Variants in PTCHD4 observed in about 807,000 individuals in gnomAD.
PTCHD4 encodes the protein patched domain containing 4, also known as patched domain-containing protein 4.
PTCHD4 carries 33 observed loss-of-function variants against 58.1 expected under a neutral mutation model. The ratio of observed to expected loss-of-function variants is 0.57; its 90% confidence interval spans 0.43 to 0.76. PTCHD4 has a LOEUF of 0.76. Among genes scored for constraint, PTCHD4 ranks in the 30% least tolerant of loss-of-function variants. PTCHD4 has a pLI of 0.00. For synonymous variants in PTCHD4, 478 were observed against 409.6 expected (o/e 1.17, Z -2.02); for missense variants, 1,058 against 1,027.1 (o/e 1.03, Z -0.41).
intron 4 of PTCHD4, among the ~76,000 whole-genome samples, chr6:47,890,313 A>G (rs939407869): frequency 2.0e-5 from 3 of 152,028 alleles, no homozygotes; most frequent in African/African-American, 7.3e-5. Flanking sequence ...TGCAGTCAAG[A>G]TTTTCATACT....
chr6:47,928,549 C>T (rs909048136), intron 4 of PTCHD4, among the ~76,000 whole-genome samples: 1 of 152,188 alleles, frequency 6.6e-6, no homozygotes, highest in African/African-American at 2.4e-5. Flanking sequence ...ATTTAATTGA[C>T]ATTCTTTCTG....
intron 3 of PTCHD4, among the ~76,000 whole-genome samples, chr6:48,052,961 G>C (rs1764284754): frequency 6.6e-6 from 1 of 152,128 alleles, no homozygotes; most frequent in South Asian, 2.1e-4. Context: ...GACCCAAGAA[G>C]GGCACTTGGA....
rs183811431 is a variant in PTCHD4, at chr6:47,964,163, A to G, written c.898+44471T>C. 3.1e-3 allele frequency among the ~76,000 whole-genome samples: 478 copies of G among 152,324 alleles called. 4 individuals carry two copies. The highest frequency in any genetic ancestry group is 9.6e-3 in the African/African-American group (398 of 41,578). ...AGGTACTGGAAGAGAGGAATGGGAA[A>G]TGAGAAGTTGCTGTTCAATGGGTAT... On this transcript the variant is annotated intron_variant, in intron 4 of 4. Coordinates refer to ENST00000339488, the MANE Select transcript of PTCHD4 (RefSeq NM_001384253.1).
Position 47,898,113 on chromosome 6 carries a change from T to G in PTCHD4, c.899-18177A>C, listed in dbSNP as rs552807401. On this transcript the variant is annotated intron_variant, in intron 4 of 4. Coordinates refer to ENST00000339488, the MANE Select transcript of PTCHD4 (RefSeq NM_001384253.1). The stretch of plus-strand genomic sequence containing the variant: ...GCGTGTGCCACCACACCCGGCTAAT[T>G]TTTTGTATTTTTAGTAGAGACGGAG... Among the ~76,000 whole-genome samples the G allele has an allele frequency of 1.4e-4, 21 of 151,582 alleles. No individual in the cohort carries two copies. In the East Asian group the frequency reaches 3.1e-3, roughly 23 times the overall value.
At chr6:48,103,700 GA>G (rs200773007) in intron 1 of PTCHD4, among the ~76,000 whole-genome samples, 23,791 of 150,786 alleles carry the variant, frequency 0.16, 1,920 homozygotes, top group African/African-American at 0.21. Flanking sequence ...TAAAAACTTT[GA>G]AAAAAAAATT....
intron 1 of PTCHD4, among the ~76,000 whole-genome samples, chr6:48,098,961 A>T (rs1448040468): frequency 1.3e-5 from 2 of 152,216 alleles, no homozygotes; most frequent in African/African-American, 4.8e-5. Flanking sequence ...TGAAGACTTA[A>T]GTACCTAGAC....
chr6:48,023,388 A>G (rs900391953), intron 3 of PTCHD4, among the ~76,000 whole-genome samples: 3 of 152,196 alleles, frequency 2.0e-5, no homozygotes, highest in Admixed American at 1.3e-4. Flanking sequence ...ATAGAGAAAA[A>G]TATTAAGCTA....
chr6:48,085,574 C>G (rs967437896), intron 1 of PTCHD4, among the ~76,000 whole-genome samples: 1 of 152,134 alleles, frequency 6.6e-6, no homozygotes, highest in African/African-American at 2.4e-5. Flanking sequence ...GTTTTCAATT[C>G]TTTGAGAAAC....
At chr6:47,998,596 A>G (rs1032453604) in intron 4 of PTCHD4, among the ~76,000 whole-genome samples, 1 of 152,216 alleles carries the variant, frequency 6.6e-6, no homozygotes, top group Non-Finnish European at 1.5e-5. Context: ...GATTCCAAAG[A>G]AGATGTAGAA....
chr6:48,013,924 A>G (rs1762780424), intron 3 of PTCHD4, among the ~76,000 whole-genome samples: 2 of 152,164 alleles, frequency 1.3e-5, no homozygotes, highest in African/African-American at 4.8e-5. Flanking sequence ...ATGTATCTGG[A>G]CAAAAGACAA....
In PTCHD4 at chr6:47,866,030, C is replaced by T. The variant is rs2114068080; in HGVS notation, c.*12273G>A. On this transcript the variant is annotated 3_prime_UTR_variant, in exon 5 of 5. Coordinates refer to ENST00000339488, the MANE Select transcript of PTCHD4 (RefSeq NM_001384253.1). ...GGGGTGCTCAGGCCAATAATCTTAC[C>T]TCATCTTAAGTGCTATCTTAATGCA... Among the ~76,000 whole-genome samples the T allele has an allele frequency of 6.6e-6, 1 of 151,902 alleles. No individual in the cohort carries two copies. Among genetic ancestry groups the T allele is most frequent in the African/African-American group, 2.4e-5 (1 of 41,504 alleles).
Position 47,876,956 on chromosome 6 carries a change from G to A in PTCHD4, c.*1347C>T, listed in dbSNP as rs934116242. On this transcript the variant is annotated 3_prime_UTR_variant, in exon 5 of 5. Transcript: ENST00000339488. ...GATCACCCTAGGAGGTGGGCCAACC[G>A]AGGAGCACTTTCCAGGTAACAAGAG... Among the ~76,000 whole-genome samples, 6 of 151,970 alleles carry A rather than the reference G, an allele frequency of 3.9e-5. No homozygotes were observed. The highest frequency in any genetic ancestry group is 1.9e-4 in the East Asian group (1 of 5,160).
intron 4 of PTCHD4, among the ~76,000 whole-genome samples, chr6:47,925,189 G>C (rs888306664): frequency 2.6e-5 from 4 of 151,040 alleles, no homozygotes; most frequent in Non-Finnish European, 4.4e-5. Flanking sequence ...ATATGTGTGT[G>C]TGTGTGTGTG....
In PTCHD4 at chr6:47,897,948, T is replaced by C. The variant is rs1316271464; in HGVS notation, c.899-18012A>G. ...TTCTTTTTTCTTTCTTTCTTTTTTT[T>C]TTTTTTTTTTTTTTTTGAGACAGAG... On this transcript the variant is annotated intron_variant, in intron 4 of 4. Coordinates refer to ENST00000339488, the MANE Select transcript of PTCHD4 (RefSeq NM_001384253.1). 1.6e-4 allele frequency among the ~76,000 whole-genome samples: 22 copies of C among 139,390 alleles called. No individual in the cohort carries two copies. The South Asian group carries it at 2.2e-3, about 14-fold the overall frequency. 91.4% of individuals were successfully genotyped at this position (139,390 alleles called of 152,430 possible).
At chr6:47,924,744 A>T (rs1765541711) in intron 4 of PTCHD4, among the ~76,000 whole-genome samples, 1 of 152,122 alleles carries the variant, frequency 6.6e-6, no homozygotes, top group Non-Finnish European at 1.5e-5. Flanking sequence ...AGCAGATTGT[A>T]ATATGTTTTT....
chr6:48,109,717 C>A (rs570493363), intron 1 of PTCHD4, among the ~76,000 whole-genome samples: 1 of 152,036 alleles, frequency 6.6e-6, no homozygotes, highest in Non-Finnish European at 1.5e-5. Flanking sequence ...TAAACAACAA[C>A]AAAACCCCAA....
chr6:47,974,994 T>C (rs544332600), intron 4 of PTCHD4, among the ~76,000 whole-genome samples: 4 of 152,078 alleles, frequency 2.6e-5, no homozygotes, highest in East Asian at 1.9e-4. Flanking sequence ...GATTCCATGG[T>C]AAAACAAACA....
chr6:47,881,358 C>T (rs192405085), intron 4 of PTCHD4, among the ~76,000 whole-genome samples: 1,673 of 152,240 alleles, frequency 0.011, 15 homozygotes, highest in Non-Finnish European at 0.019. Flanking sequence ...AATATTATTT[C>T]CCAGCCTAGT....
At chr6:47,915,699 C>T (rs932684284) in intron 4 of PTCHD4, among the ~76,000 whole-genome samples, 1 of 151,482 alleles carries the variant, frequency 6.6e-6, no homozygotes, top group Non-Finnish European at 1.5e-5. Context: ...AATTACAGTG[C>T]TTGACATTTA....
Sources: allele counts gnomAD v4.1 joint callset (sites outside exome capture counted in the v4.1 genomes callset), GRCh38; gene constraint gnomAD v4.1.1; transcripts MANE v1.5; gene names NCBI Gene and HGNC (gene_info 2026-07-23, HGNC 2026-07-21).